The following YJU2 variants were observed in gnomAD, a reference collection of about 807,000 sequenced individuals.
YJU2 encodes YJU2 splicing factor homolog.
YJU2 carries 28 observed loss-of-function variants against 39.6 expected under a neutral mutation model. The observed-to-expected ratio is 0.71, with a 90% CI of 0.52 to 0.97. The LOEUF (loss-of-function observed/expected upper bound fraction) is 0.97. Among genes scored for constraint, YJU2 ranks in the 50% least tolerant of loss-of-function variants. The probability of loss-of-function intolerance (pLI) is 0.00; values close to 1 mark genes in which losing one functional copy is unlikely to be tolerated. For missense variants in YJU2, 328 were observed against 430.4 expected, an observed-to-expected ratio of 0.76 and a Z score of 2.11; for synonymous variants, 184 against 182.4, an observed-to-expected ratio of 1.01 and a Z score of -0.07.
Position 4,259,071 on chromosome 19 carries a change from CTTTTTTTTT to C in YJU2, c.587+669_587+677del, listed in dbSNP as rs34728075. Among the ~76,000 whole-genome samples the C allele has an allele frequency of 9.3e-3, 842 of 90,274 alleles. 8 individuals are homozygous for C. The highest frequency in any genetic ancestry group is 0.041 in the African/African-American group (797 of 19,388). 59.2% of individuals were successfully genotyped at this position (90,274 alleles called of 152,430 possible). Reference sequence around the variant, plus strand: ...TCAGGCCTCCTGGGTGAACACTTTTCTTTTTTTTTTTTTTTTTTTTTTTTTTTTTGAGAC... The same window carrying C: ...TCAGGCCTCCTGGGTGAACACTTTTCTTTTTTTTTTTTTTTTTTTTGAGAC... On this transcript the variant is annotated intron_variant, in intron 5 of 7. Coordinates refer to ENST00000262962, the MANE Select transcript of YJU2 (RefSeq NM_018074.6).
In YJU2 at chr19:4,249,343, C is replaced by T. The variant is rs549222076; in HGVS notation, c.125+15C>T. The T allele has an allele frequency of 1.7e-5, 27 of 1,548,560 alleles. No individual in the cohort carries two copies. The East Asian group carries it at 3.8e-4, about 22-fold the overall frequency. ...TTCAACATGAGGTGAGCACCCCCTG[C>T]GTGACCCCACACACCAGTCATGGCT... On this transcript the variant is annotated intron_variant, in intron 2 of 7. Coordinates refer to ENST00000262962, the MANE Select transcript of YJU2 (RefSeq NM_018074.6).
At chr19:4,252,426 G>A (rs529707944) in intron 3 of YJU2, among the ~76,000 whole-genome samples, 6 of 137,128 alleles carry the variant, frequency 4.4e-5, no homozygotes, top group South Asian at 2.4e-4. Context: ...GTGAAACCCC[G>A]TCTCTACTAA....
Position 4,247,247 on chromosome 19 carries a change from G to C in YJU2, c.24+77G>C, listed in dbSNP as rs368991444. 1.5e-4 allele frequency: 196 copies of C among 1,343,052 alleles called. 1 individual carries two copies. The highest frequency in any genetic ancestry group is 1.0e-4 in the Non-Finnish European group (95 of 949,832). The allele number at this position is 1,343,052 out of a possible 1,614,324, so 83.2% of individuals were successfully genotyped here. A position where few individuals can be genotyped will look rare whatever the true frequency, so the allele number is the denominator to read the frequency against. Reference sequence around the variant, plus strand: ...TCCGGGAGAGGGAGGAGCTTCCTGAGATCTCTTCTTTGGAACCCTTCTTTC... The same window carrying C: ...TCCGGGAGAGGGAGGAGCTTCCTGACATCTCTTCTTTGGAACCCTTCTTTC... On this transcript the variant is annotated intron_variant, in intron 1 of 7. Coordinates refer to ENST00000262962, the MANE Select transcript of YJU2 (RefSeq NM_018074.6).
At chr19:4,258,170 C>T in intron 4 of YJU2, 72 bp from the exon 5 acceptor site, 3 of 1,515,632 alleles carry the variant, frequency 2.0e-6, no homozygotes, top group Non-Finnish European at 2.7e-6. Flanking sequence ...CGCAGTGGCC[C>T]CCGAGGCCAG....
Position 4,262,108 on chromosome 19 carries a change from G to T in YJU2, c.702G>T (p.Leu234=), listed in dbSNP as rs1198845550. ...TTCGGCCCAACCCCACCGCCATCCT[G>T]GATGAGGTAAGTGGGGTGCCTGAGT... The part of the protein sequence containing the change: ...PALRPNPTAI[L]DEAPKPKRKV... Residue 234 remains leucine (L), a synonymous_variant, in exon 6 of 8, where the codon CTG becomes CTT. Coordinates refer to ENST00000262962, the MANE Select transcript of YJU2 (RefSeq NM_018074.6). 1 of 1,609,606 alleles carries T rather than the reference G, an allele frequency of 6.2e-7. No individual in the cohort carries two copies. Among genetic ancestry groups the T allele is most frequent in the Admixed American group, 1.7e-5 (1 of 59,954 alleles).
intron 2 of YJU2, 64 bp from the exon 3 acceptor site, chr19:4,250,963 G>T: frequency 1.3e-6 from 2 of 1,572,668 alleles, no homozygotes; most frequent in East Asian, 2.3e-5. Context: ...GATGCCGCAG[G>T]GACAGCCTGC....
chr19:4,251,129 T>C lies in YJU2; in HGVS notation c.228T>C (p.Phe76=). 6.2e-7 allele frequency: 1 copy of C among 1,614,140 alleles called. No individual in the cohort carries two copies. The highest frequency in any genetic ancestry group is 1.1e-5 in the South Asian group (1 of 91,086). Residue 76 remains phenylalanine, a synonymous_variant, in exon 3 of 8, where the codon TTT becomes TTC. Coordinates refer to ENST00000262962, the MANE Select transcript of YJU2 (RefSeq NM_018074.6). The part of the protein sequence containing the change: ...EVYLGLPIFR[F]YIKCTRCLAE... ...ACCTGGGCCTGCCCATCTTCCGCTT[T>C]TACATCAAGTGCACGCGCTGCCTGG...
At chr19:4,261,503 A>G (rs909599666) in intron 5 of YJU2, among the ~76,000 whole-genome samples, 2 of 151,750 alleles carry the variant, frequency 1.3e-5, no homozygotes, top group African/African-American at 2.4e-5. Flanking sequence ...GAAAAAAAAA[A>G]TACAAAAATT....
intron 6 of YJU2, among the ~76,000 whole-genome samples, chr19:4,266,618 C>T (rs998314920): frequency 9.9e-5 from 15 of 152,282 alleles, no homozygotes; most frequent in African/African-American, 3.6e-4. Flanking sequence ...ACGGTGAGCT[C>T]CGTGAGGGCA....
rs1235576754 is a variant in YJU2 at position 4,268,955 on chromosome 19, A to C, written c.*259A>C. 1 of 497,128 alleles carries C rather than the reference A, an allele frequency of 2.0e-6. No homozygotes were observed. The highest frequency in any genetic ancestry group is 3.7e-6 in the Non-Finnish European group (1 of 273,104). The allele number at this position is 497,128 out of a possible 1,614,324, so 30.8% of individuals were successfully genotyped here. On this transcript the variant is annotated 3_prime_UTR_variant, in exon 8 of 8. Transcript: ENST00000262962. ...ACCTGTCACTGTGCTTAGGGCTGCA[A>C]CATCCCTGGAGCAGCTTCCAACACT...
chr19:4,262,909 TAAAC>T (rs1568363529), intron 6 of YJU2, among the ~76,000 whole-genome samples: 1 of 151,084 alleles, frequency 6.6e-6, no homozygotes, highest in African/African-American at 2.4e-5. Context: ...CTGTCTAAAA[TAAAC>T]AAATAAAAAT....
intron 2 of YJU2, among the ~76,000 whole-genome samples, chr19:4,249,609 T>C (rs1318226432): frequency 1.3e-5 from 2 of 151,942 alleles, no homozygotes; most frequent in East Asian, 1.9e-4. Flanking sequence ...CCCATAGATA[T>C]ATTTCAGCTC....
rs1030056410 is a variant in YJU2 at position 4,258,474 on chromosome 19, C to T, written c.587+51C>T. On this transcript the variant is annotated intron_variant, in intron 5 of 7. Transcript: ENST00000262962. The stretch of plus-strand genomic sequence containing the variant: ...CCCCACCTCGCAGCCTCTGCCCCGG[C>T]AGGCGCTGCCTCTGCCCCAGACCCT... 2.0e-6 allele frequency: 3 copies of T among 1,533,250 alleles called. No individual in the cohort carries two copies. In the African/African-American group the frequency reaches 4.1e-5, roughly 21 times the overall value. The allele number at this position is 1,533,250 out of a possible 1,614,324, so 95.0% of individuals were successfully genotyped here.
chr19:4,265,961 T>TC (rs1170176846), intron 6 of YJU2, among the ~76,000 whole-genome samples: 1 of 148,684 alleles, frequency 6.7e-6, no homozygotes, highest in Non-Finnish European at 1.5e-5. Flanking sequence ...ACATTTTTTT[T>TC]TTTTTTTTTC....
rs750953675 is a variant in YJU2 at position 4,254,345 on chromosome 19, C to G, written c.271-10C>G. ...ATGTAGGAGCTGATGTCTGTCTATC[C>G]TCCCTGCAGACAGACCCTGAAAACA... On this transcript the variant is annotated splice_polypyrimidine_tract_variant and intron_variant, in intron 3 of 7. Transcript: ENST00000262962. 4 of 1,608,546 alleles carry G rather than the reference C, an allele frequency of 2.5e-6. No homozygotes were observed. Among genetic ancestry groups the G allele is most frequent in the East Asian group, 4.5e-5 (2 of 44,822 alleles).
At chr19:4,250,219 A>T (rs1234236402) in intron 2 of YJU2, among the ~76,000 whole-genome samples, 1 of 152,200 alleles carries the variant, frequency 6.6e-6, no homozygotes, top group Non-Finnish European at 1.5e-5. Flanking sequence ...GGAAAGAGAC[A>T]TCTGGGTCAG....
At chr19:4,252,733 T>TG (rs1384458674) in intron 3 of YJU2, among the ~76,000 whole-genome samples, 1 of 152,036 alleles carries the variant, frequency 6.6e-6, no homozygotes, top group Admixed American at 6.6e-5. Context: ...AAGACCAGCT[T>TG]GGGCAACATA....
intron 5 of YJU2, among the ~76,000 whole-genome samples, chr19:4,259,466 A>C (rs1239660130): frequency 1.3e-5 from 2 of 151,828 alleles, no homozygotes; most frequent in Non-Finnish European, 2.9e-5. Flanking sequence ...TGTAGCCTCC[A>C]TCTCCCGGGC....
intron 1 of YJU2, among the ~76,000 whole-genome samples, chr19:4,247,627 GT>G (rs1568359606): frequency 0.12 from 5,990 of 49,022 alleles, 1,414 homozygotes; most frequent in African/African-American, 0.18. Context: ...GTGTGTGTGT[GT>G]GTGTGTGTGT....
Sources: allele counts gnomAD v4.1 joint callset (sites outside exome capture counted in the v4.1 genomes callset), GRCh38; gene constraint gnomAD v4.1.1; transcripts MANE v1.5; gene names NCBI Gene and HGNC (gene_info 2026-07-23, HGNC 2026-07-21).